Variants in AP3D1 observed in about 807,000 individuals in gnomAD.
The protein encoded by AP3D1 is adaptor related protein complex 3 subunit delta 1, also known as AP-3 complex subunit delta-1.
A neutral mutation model predicts 147.6 loss-of-function variants in AP3D1; 51 were observed. The ratio of observed to expected loss-of-function variants is 0.35; its 90% CI spans 0.28 to 0.44. AP3D1 has a LOEUF of 0.44. Among genes scored for constraint, AP3D1 ranks in the 20% least tolerant of loss-of-function variants. The pLI is 1.00. For synonymous variants in AP3D1, 760 were observed against 663.0 expected (o/e 1.15, Z -2.25); for missense variants, 1,421 against 1,624.2 (o/e 0.87, Z 2.15).
chr19:2,111,932 C>A (rs2018293863), intron 24 of AP3D1, 104 bp from the exon 25 acceptor site: 7 of 1,561,476 alleles, frequency 4.5e-6, no homozygotes, highest in Non-Finnish European at 6.1e-6. Context: ...CTGAGGGTCC[C>A]ACGTGCCTGG....
At chr19:2,141,551 C>T (rs2019220785) in intron 1 of AP3D1, among the ~76,000 whole-genome samples, 1 of 147,574 alleles carries the variant, frequency 6.8e-6, no homozygotes, top group Admixed American at 6.8e-5. Flanking sequence ...AAGTGATTCT[C>T]CTGCCTCAGC....
chr19:2,124,216 A>T (rs925515188), intron 9 of AP3D1, among the ~76,000 whole-genome samples: 16 of 152,270 alleles, frequency 1.1e-4, no homozygotes, highest in African/African-American at 3.9e-4. Flanking sequence ...ACAGGACCAG[A>T]CCCTGTAGGA....
intron 1 of AP3D1, among the ~76,000 whole-genome samples, chr19:2,143,096 C>T (rs921731767): frequency 6.6e-6 from 1 of 151,690 alleles, no homozygotes; most frequent in Non-Finnish European, 1.5e-5. Context: ...TGGAGTCTCA[C>T]TCTATCGTCC....
chr19:2,106,986 G>A (rs1228485542), intron 31 of AP3D1, among the ~76,000 whole-genome samples: 3 of 152,092 alleles, frequency 2.0e-5, no homozygotes, highest in Non-Finnish European at 2.9e-5. Flanking sequence ...ATGACAGGCC[G>A]GACGCAGTGG....
At chr19:2,162,896 C>A (rs2019748984) in intron 1 of AP3D1, among the ~76,000 whole-genome samples, 1 of 151,786 alleles carries the variant, frequency 6.6e-6, no homozygotes, top group African/African-American at 2.4e-5. Flanking sequence ...CCCCCGGGGA[C>A]TTGGGGAGGT....
chr19:2,139,901 A>C (rs574786220), intron 1 of AP3D1, among the ~76,000 whole-genome samples: 7 of 151,206 alleles, frequency 4.6e-5, no homozygotes, highest in African/African-American at 1.7e-4. Context: ...GTCACCCAGG[A>C]CCACACCCCA....
intron 8 of AP3D1, among the ~76,000 whole-genome samples, chr19:2,128,466 CGCCCCCGCCGCTCCG>C (rs1568294583): frequency 0.013 from 1,403 of 112,022 alleles, 26 homozygotes; most frequent in Non-Finnish European, 0.014. Flanking sequence ...GGAGCCGGCC[CGCCCCCGCCGCTCCG>C]ACACTGCACC....
intron 1 of AP3D1, among the ~76,000 whole-genome samples, chr19:2,145,045 A>C (rs1361451481): frequency 6.6e-6 from 1 of 152,186 alleles, no homozygotes; most frequent in Non-Finnish European, 1.5e-5. Context: ...AATATACTGA[A>C]ATCTACTTCA....
At chr19:2,123,515 C>G (rs1289003133) in intron 10 of AP3D1, 109 bp from the exon 11 acceptor site, 1 of 1,141,222 alleles carries the variant, frequency 8.8e-7, no homozygotes, top group Non-Finnish European at 1.3e-6. Flanking sequence ...GGCGTCAGCC[C>G]CACCCACCAA....
intron 4 of AP3D1, among the ~76,000 whole-genome samples, chr19:2,134,511 C>G (rs1287380240): frequency 6.6e-6 from 1 of 150,626 alleles, no homozygotes; most frequent in Non-Finnish European, 1.5e-5. Flanking sequence ...CCGAGGCAGG[C>G]AGATCATGAG....
rs1452663415 is a variant in AP3D1, at chr19:2,130,432, C to T, written c.568G>A (p.Glu190Lys). The change falls in exon 6 of 32, where the codon GAG becomes AAG. Residue 190 changes from glutamate (E) to lysine (K), a missense_variant. Glu to Lys is a moderately conservative substitution (Grantham distance 56). Transcript: ENST00000643116. ...SLRPAFPRLK[E>K]KLEDPDPGVQ... Reference sequence around the variant, plus strand: ...CCGGGGTCGGGGTCCTCCAGCTTCTCCTTCAGCCGGGGAAAGGCAGGGCGC... The same window carrying T: ...CCGGGGTCGGGGTCCTCCAGCTTCTTCTTCAGCCGGGGAAAGGCAGGGCGC... 1 of 1,614,026 alleles carries T rather than the reference C, an allele frequency of 6.2e-7. No homozygotes were observed. The highest frequency in any genetic ancestry group is 1.7e-5 in the Admixed American group (1 of 60,026).
chr19:2,127,610 C>T (rs986983559), intron 8 of AP3D1, among the ~76,000 whole-genome samples: 17 of 152,332 alleles, frequency 1.1e-4, no homozygotes, highest in African/African-American at 2.4e-4. Context: ...CTGCGACCTC[C>T]GCCTCTCAGG....
intron 23 of AP3D1, 122 bp downstream of exon 23, chr19:2,113,214 A>C: frequency 1.5e-6 from 1 of 656,712 alleles, no homozygotes; most frequent in East Asian, 2.8e-5. Context: ...GCTGGGTCCC[A>C]CAGGTGCACG....
At chr19:2,123,541 GA>G (rs2018667447) in intron 10 of AP3D1, 135 bp from the exon 11 acceptor site, 3 of 949,166 alleles carry the variant, frequency 3.2e-6, no homozygotes, top group African/African-American at 1.7e-5. Flanking sequence ...GCCCAGGAGG[GA>G]AACAAGCATG....
At chr19:2,132,635 C>A in intron 4 of AP3D1, 57 bp from the exon 5 acceptor site, 6 of 1,490,924 alleles carry the variant, frequency 4.0e-6, no homozygotes, top group Non-Finnish European at 5.6e-6. Context: ...ACATCCGACG[C>A]CTGGGTCACC....
At chr19:2,116,028 G>A (rs937987459) in intron 18 of AP3D1, among the ~76,000 whole-genome samples, 179 bp downstream of exon 18, 2 of 152,220 alleles carry the variant, frequency 1.3e-5, no homozygotes, top group African/African-American at 2.4e-5. Context: ...CTGGAGGCTC[G>A]AATGAATGGG....
chr19:2,126,646 C>G (rs531327321), intron 9 of AP3D1, among the ~76,000 whole-genome samples: 4 of 131,378 alleles, frequency 3.0e-5, no homozygotes, highest in Non-Finnish European at 6.3e-5. Flanking sequence ...GAGTGAGACT[C>G]TGCCTCAAAA....
chr19:2,110,879 G>T lies in AP3D1; in HGVS notation c.3003C>A (p.Gly1001=). The T allele has an allele frequency of 6.2e-7, 1 of 1,613,118 alleles. No homozygotes were observed. The highest frequency in any genetic ancestry group is 1.1e-5 in the South Asian group (1 of 91,068). ...SYVKMTCDIR[G]SLQEDSQVTV... is the part of the protein sequence containing the mutation. Reference sequence around the variant, plus strand: ...TGACCTGGCTGTCCTCCTGCAGACTGCCCCGGATGTCACAGGTCTGCAGGG... The same window carrying T: ...TGACCTGGCTGTCCTCCTGCAGACTTCCCCGGATGTCACAGGTCTGCAGGG... The change falls in exon 27 of 32, where the codon GGC becomes GGA. Residue 1001 remains glycine (G), a synonymous_variant. Coordinates refer to ENST00000643116, the MANE Select transcript of AP3D1 (RefSeq NM_001261826.3).
At chr19:2,164,281 C>A (rs1397046287) in intron 1 of AP3D1, 2 of 1,257,272 alleles carry the variant, frequency 1.6e-6, no homozygotes, top group East Asian at 3.1e-5. Flanking sequence ...TGCCGCCCTC[C>A]ACCGTCCCTA....
Sources: allele counts gnomAD v4.1 joint callset (sites outside exome capture counted in the v4.1 genomes callset), GRCh38; gene constraint gnomAD v4.1.1; transcripts MANE v1.5; gene names NCBI Gene and HGNC (gene_info 2026-07-23, HGNC 2026-07-21).